DCAF12: variants seen among roughly 807,000 people sequenced by gnomAD.
The protein encoded by DCAF12 is DDB1 and CUL4 associated factor 12.
DCAF12 carries 28 observed loss-of-function variants against 52.8 expected under a neutral mutation model. The observed-to-expected ratio is 0.53, with a 90% CI of 0.39 to 0.73. The LOEUF (loss-of-function observed/expected upper bound fraction) is 0.73. Ranked by LOEUF, DCAF12 falls within the 30% of genes least tolerant of loss-of-function variation. The pLI, the probability that DCAF12 is intolerant of heterozygous loss-of-function variation, is 0.00. For synonymous variants in DCAF12, 196 were observed against 215.5 expected (o/e 0.91, Z 0.79); for missense variants, 425 against 552.2 (o/e 0.77, Z 2.31).
chr9:34,124,038 C>T (rs1178026405), intron 2 of DCAF12, among the ~76,000 whole-genome samples: 2 of 152,170 alleles, frequency 1.3e-5, no homozygotes, highest in Admixed American at 6.5e-5. Context: ...AACAGACCAA[C>T]CACCATGGTA....
At chr9:34,107,752 ACAATATTAGAGATAG>A (rs1828927696) in intron 2 of DCAF12, among the ~76,000 whole-genome samples, 187 bp from the exon 3 acceptor site, 1 of 152,210 alleles carries the variant, frequency 6.6e-6, no homozygotes, top group Non-Finnish European at 1.5e-5. Flanking sequence ...TCAATATAAC[ACAATATTAGAGATAG>A]CAATAATATG....
chr9:34,107,425 T>G lies in DCAF12; in HGVS notation c.474A>C (p.Gly158=). The change falls in exon 3 of 9, where the codon GGA becomes GGC. Residue 158 remains glycine, a synonymous_variant. Coordinates refer to ENST00000361264, the MANE Select transcript of DCAF12 (RefSeq NM_015397.4). ...LNPSRTLLAT[G]GDNPNSLAIY... ...TGGCAAGACTGTTGGGGTTGTCTCC[T>G]CCAGTGGCTAGCAGTGTTCTAGAAG... 1.9e-6 allele frequency: 3 copies of G among 1,614,176 alleles called. No individual in the cohort carries two copies. Among genetic ancestry groups the G allele is most frequent in the Non-Finnish European group, 2.5e-6 (3 of 1,180,042 alleles).
At chr9:34,115,005 G>T (rs1829062541) in intron 2 of DCAF12, among the ~76,000 whole-genome samples, 1 of 151,906 alleles carries the variant, frequency 6.6e-6, no homozygotes, top group Non-Finnish European at 1.5e-5. Context: ...AAGAGGAAGG[G>T]GTAACCTTAC....
Position 34,089,552 on chromosome 9 carries a change from C to T in DCAF12, c.1063G>A (p.Val355Met), listed in dbSNP as rs781625013. The T allele has an allele frequency of 6.2e-7, 1 of 1,613,504 alleles. No individual in the cohort carries two copies. ...AGCAGGGAGCCCTGCCCTGTTCCCA[C>T]AGTGATGATGTGCTCGTAGAAACTC... ...SVSFYEHIIT[V>M]GTGQGSLLFY... is the part of the protein sequence containing the mutation. Residue 355 changes from valine to methionine, a missense_variant, in exon 8 of 9, where the codon GTG becomes ATG. Coordinates refer to ENST00000361264, the MANE Select transcript of DCAF12 (RefSeq NM_015397.4).
At chr9:34,112,012 G>A (rs1027390488) in intron 2 of DCAF12, among the ~76,000 whole-genome samples, 6 of 151,754 alleles carry the variant, frequency 4.0e-5, no homozygotes, top group Admixed American at 6.6e-5. Flanking sequence ...ATGTGGTGGC[G>A]GGCGCCTGTA....
intron 2 of DCAF12, among the ~76,000 whole-genome samples, chr9:34,108,812 A>T (rs10758241): frequency 0.11 from 15,941 of 138,920 alleles, 1,127 homozygotes; most frequent in East Asian, 0.15. Context: ...TAAATAAATA[A>T]ATATATATAT....
chr9:34,096,744 A>T lies in DCAF12; in HGVS notation c.833T>A (p.Leu278His). Reference sequence around the variant, plus strand: ...AGATAGTGTATTTTCAGCCTTCCAGAGATGAAAGTAGCCATCCAGAGACAC... The same window carrying T: ...AGATAGTGTATTTTCAGCCTTCCAGTGATGAAAGTAGCCATCCAGAGACAC... ...GAVSLDGYFH[L>H]WKAENTLSKL... Residue 278 changes from leucine (L) to histidine (H), a missense_variant, in exon 6 of 9, where the codon CTC (leucine) becomes CAC (histidine). By Grantham distance (99) the Leu-to-His change is moderately conservative. This residue lies in a region of DCAF12 where 328 missense variants were observed against 444.4 expected (regional missense o/e 0.74). Coordinates refer to ENST00000361264, the MANE Select transcript of DCAF12 (RefSeq NM_015397.4). 6.2e-7 allele frequency: 1 copy of T among 1,614,130 alleles called. No homozygotes were observed. Among genetic ancestry groups the T allele is most frequent in the Non-Finnish European group, 8.5e-7 (1 of 1,180,026 alleles).
At chr9:34,108,962 T>C (rs542538600) in intron 2 of DCAF12, among the ~76,000 whole-genome samples, 1 of 143,152 alleles carries the variant, frequency 7.0e-6, no homozygotes, top group South Asian at 2.2e-4. Context: ...CAAATACATA[T>C]ATGTATTTTA....
At chr9:34,101,554 G>A (rs939603827) in intron 4 of DCAF12, among the ~76,000 whole-genome samples, 23 of 151,446 alleles carry the variant, frequency 1.5e-4, no homozygotes, top group African/African-American at 5.3e-4. Context: ...CACCATGCCC[G>A]GCTAATTTTG....
intron 6 of DCAF12, among the ~76,000 whole-genome samples, chr9:34,094,143 G>A (rs545634572): frequency 1.2e-4 from 19 of 152,236 alleles, no homozygotes; most frequent in African/African-American, 4.1e-4. Context: ...GGTGGCTAAC[G>A]TCTGTAATCC....
At position 34,126,694 on chromosome 9, in the gene DCAF12, A is replaced by G; in HGVS notation, c.-263T>C. The G allele has an allele frequency of 1.8e-6, 1 of 555,226 alleles. No homozygotes were observed. Among genetic ancestry groups the G allele is most frequent in the Non-Finnish European group, 3.2e-6 (1 of 314,728 alleles). The allele number at this position is 555,226 out of a possible 1,614,324, so 34.4% of individuals were successfully genotyped here. ...GAGCCTGCAAGGACGGCGAGCGGCT[A>G]GAACCAAAACACCCCCTCCCCCTTG... On this transcript the variant is annotated 5_prime_UTR_variant, in exon 1 of 9. Transcript: ENST00000361264.
intron 2 of DCAF12, among the ~76,000 whole-genome samples, chr9:34,124,749 AAAAC>A (rs146296271): frequency 7.0e-4 from 106 of 152,318 alleles, no homozygotes; most frequent in East Asian, 5.8e-3. Context: ...ATATGAGGCA[AAAAC>A]AAACAAACAA....
intron 2 of DCAF12, among the ~76,000 whole-genome samples, chr9:34,117,590 C>G (rs1211423940): frequency 6.6e-6 from 1 of 152,114 alleles, no homozygotes; most frequent in African/African-American, 2.4e-5. Context: ...GTTTAGCTAC[C>G]TTAAGCATCT....
intron 4 of DCAF12, among the ~76,000 whole-genome samples, chr9:34,104,981 A>G (rs1417509457): frequency 6.6e-6 from 1 of 151,708 alleles, no homozygotes; most frequent in Non-Finnish European, 1.5e-5. Flanking sequence ...ATGATCTCAT[A>G]TTAACCAACT....
At chr9:34,091,531 G>A (rs1828643662) in intron 7 of DCAF12, among the ~76,000 whole-genome samples, 1 of 151,216 alleles carries the variant, frequency 6.6e-6, no homozygotes, top group Non-Finnish European at 1.5e-5. Flanking sequence ...AGCTACTCGG[G>A]AGGCTGAGGT....
chr9:34,120,937 T>C (rs1318976606), intron 2 of DCAF12, among the ~76,000 whole-genome samples: 1 of 151,954 alleles, frequency 6.6e-6, no homozygotes, highest in Non-Finnish European at 1.5e-5. Context: ...GTGGATCACC[T>C]GAGGTCAGGA....
intron 2 of DCAF12, among the ~76,000 whole-genome samples, chr9:34,119,500 T>C (rs1305434407): frequency 6.6e-6 from 1 of 152,216 alleles, no homozygotes; most frequent in Non-Finnish European, 1.5e-5. Context: ...TCCATAATTA[T>C]GTTAATGTCT....
At chr9:34,119,734 C>G (rs1271095858) in intron 2 of DCAF12, among the ~76,000 whole-genome samples, 1 of 142,620 alleles carries the variant, frequency 7.0e-6, no homozygotes, top group African/African-American at 2.6e-5. Context: ...CAGGGTCGTG[C>G]TCTGTCACCC....
Position 34,093,303 on chromosome 9 carries a change from G to C in DCAF12, c.1007C>G (p.Ser336Cys). ...QPSYNVKSVC[S>C]RERGSGIRSV... Reference sequence around the variant, plus strand: ...ACTCTTACCACTGCCTCGCTCCCTGGAACAGACAGACTTGACGTTGTATGA... The same window carrying C: ...ACTCTTACCACTGCCTCGCTCCCTGCAACAGACAGACTTGACGTTGTATGA... The change falls in exon 7 of 9, where the codon TCC becomes TGC. Residue 336 changes from serine to cysteine, a missense_variant. This residue lies in a region of DCAF12 where 328 missense variants were observed against 444.4 expected (regional missense o/e 0.74). Transcript: ENST00000361264. 2 of 1,614,198 alleles carry C rather than the reference G, an allele frequency of 1.2e-6. No individual in the cohort carries two copies. The highest frequency in any genetic ancestry group is 4.5e-5 in the East Asian group (2 of 44,892).
Sources: allele counts gnomAD v4.1 joint callset (sites outside exome capture counted in the v4.1 genomes callset), GRCh38; gene constraint gnomAD v4.1.1; regional missense constraint gnomAD v4.1.1; transcripts MANE v1.5; gene names NCBI Gene and HGNC (gene_info 2026-07-23, HGNC 2026-07-21).